Variants in SERINC3 observed in about 807,000 individuals in gnomAD.
SERINC3 encodes the protein serine incorporator 3, also known as tumor differentially expressed protein 1.
SERINC3 carries 22 observed loss-of-function variants against 52.1 expected under a neutral mutation model. The observed-to-expected ratio is 0.42, with a 90% CI of 0.30 to 0.60. The LOEUF (loss-of-function observed/expected upper bound fraction) is 0.60. Ranked by LOEUF, SERINC3 falls within the 20% of genes least tolerant of loss-of-function variation. SERINC3 has a pLI of 0.16. For synonymous variants in SERINC3, 226 were observed against 212.7 expected, an observed-to-expected ratio of 1.06 and a Z score of -0.54; for missense variants, 564 against 584.6, an observed-to-expected ratio of 0.96 and a Z score of 0.36.
chr20:44,501,723 C>T (rs944420161), intron 8 of SERINC3, among the ~76,000 whole-genome samples: 4 of 152,176 alleles, frequency 2.6e-5, no homozygotes, highest in Non-Finnish European at 5.9e-5. Flanking sequence ...CCTCCGACTT[C>T]CCACAGCTTC....
chr20:44,508,958 T>A (rs1381834695), intron 5 of SERINC3, among the ~76,000 whole-genome samples: 2 of 152,212 alleles, frequency 1.3e-5, no homozygotes, highest in African/African-American at 4.8e-5. Flanking sequence ...GTAAATATTT[T>A]AAAAAACTAA....
Position 44,501,147 on chromosome 20 carries a change from A to T in SERINC3, c.1209T>A (p.Tyr403Ter). ...GCATGAGGTGGAATAAGGAGTAGCT[A>T]TACTGCACTCCCTCTTTCTCGTTGT... ...AVDNEKEGVQ[Y>*]SYSLFHLMLC... Residue 403 changes from tyrosine (Y) to a stop codon, truncating the protein, a stop_gained, in exon 9 of 10, where the codon TAT becomes TAA. Coordinates refer to ENST00000342374, the MANE Select transcript of SERINC3 (RefSeq NM_006811.4). LOFTEE classifies it high-confidence loss of function. 3 of 1,614,096 alleles carry T rather than the reference A, an allele frequency of 1.9e-6. No individual in the cohort carries two copies. The highest frequency in any genetic ancestry group is 2.5e-6 in the Non-Finnish European group (3 of 1,179,982).
chr20:44,500,601 A>C (rs577228046), intron 9 of SERINC3, among the ~76,000 whole-genome samples, 167 bp from the exon 10 acceptor site: 8 of 152,302 alleles, frequency 5.3e-5, no homozygotes, highest in African/African-American at 1.4e-4. Context: ...TTTAGTTCTT[A>C]TGACCAAGAA....
At chr20:44,520,735 T>C (rs1278111161) in intron 1 of SERINC3, among the ~76,000 whole-genome samples, 2 of 152,206 alleles carry the variant, frequency 1.3e-5, no homozygotes, top group African/African-American at 4.8e-5. Flanking sequence ...CAAAACTGCA[T>C]ATGTACCCTC....
At chr20:44,520,731 T>C (rs1478587876) in intron 1 of SERINC3, among the ~76,000 whole-genome samples, 1 of 152,134 alleles carries the variant, frequency 6.6e-6, no homozygotes, top group Non-Finnish European at 1.5e-5. Flanking sequence ...GTAACAAAAC[T>C]GCATATGTAC....
At position 44,516,112 on chromosome 20, in the gene SERINC3, G is replaced by A. The variant is rs1439129809; in HGVS notation, c.40-2072C>T. 7.9e-5 allele frequency among the ~76,000 whole-genome samples: 12 copies of A among 152,128 alleles called. No individual in the cohort carries two copies. The South Asian group carries it at 2.5e-3, about 32-fold the overall frequency. The stretch of plus-strand genomic sequence containing the variant: ...AGGTCAGGAGTTCAAGACCAGCCTG[G>A]CCAAGATGGTGAAACCCCATCTCTA... On this transcript the variant is annotated intron_variant, in intron 1 of 9. Coordinates refer to ENST00000342374, the MANE Select transcript of SERINC3 (RefSeq NM_006811.4).
In SERINC3 at chr20:44,503,832, G is replaced by A. The variant is rs746932898; in HGVS notation, c.1038C>T (p.Leu346=). 6.4e-7 allele frequency: 1 copy of A among 1,558,170 alleles called. No homozygotes were observed. The highest frequency in any genetic ancestry group is 2.1e-5 in the Admixed American group (1 of 47,082). The change falls in exon 8 of 10, where the codon CTC becomes CTT. Residue 346 remains leucine (L), a synonymous_variant. Transcript: ENST00000342374. ...TAACTTACCTAGAATACAAGAGGCA[G>A]AGAACAAAGACAAACAGTCCAATAA... ...DNFIGLFVFV[L]CLLYSSIRTS... is the part of the protein sequence containing the mutation.
At position 44,506,759 on chromosome 20, in the gene SERINC3, G is replaced by A. The variant is rs556211695; in HGVS notation, c.783+68C>T. 139 of 1,063,098 alleles carry A rather than the reference G, an allele frequency of 1.3e-4. 1 individual carries two copies. Among genetic ancestry groups the A allele is most frequent in the African/African-American group, 2.3e-4 (14 of 61,844 alleles). 65.9% of individuals were successfully genotyped at this position (1,063,098 alleles called of 1,614,324 possible). Reference sequence around the variant, plus strand: ...AACTTAGACATAAATTCATAAGAAAGGGTACCTAGATTTTAAGCTTAGAAT... The same window carrying A: ...AACTTAGACATAAATTCATAAGAAAAGGTACCTAGATTTTAAGCTTAGAAT... On this transcript the variant is annotated intron_variant, in intron 6 of 9. Transcript: ENST00000342374.
rs768570302 is a variant in SERINC3, at chr20:44,511,348, G to A, written c.416C>T (p.Ala139Val). ...VHNGFWFFKI[A>V]ALIGIMVGSF... ...GCCAACCATGATTCCAATAAGGGCAGCAATTTTGAAGAACCAAAACCTATT... is the reference window on the plus strand; with the variant it reads ...GCCAACCATGATTCCAATAAGGGCAACAATTTTGAAGAACCAAAACCTATT... Residue 139 changes from alanine to valine, a missense_variant, in exon 4 of 10, where the codon GCT (alanine) becomes GTT (valine). Transcript: ENST00000342374. 6.2e-7 allele frequency: 1 copy of A among 1,612,742 alleles called. No homozygotes were observed. The highest frequency in any genetic ancestry group is 8.5e-7 in the Non-Finnish European group (1 of 1,178,770).
chr20:44,505,754 C>A (rs2064307920), intron 6 of SERINC3, among the ~76,000 whole-genome samples: 2 of 151,808 alleles, frequency 1.3e-5, no homozygotes, highest in Admixed American at 1.3e-4. Context: ...GTGTGCGCCC[C>A]CACGCCTAGC....
chr20:44,514,634 G>A (rs1041192720), intron 1 of SERINC3, among the ~76,000 whole-genome samples: 52 of 152,134 alleles, frequency 3.4e-4, no homozygotes, highest in African/African-American at 1.2e-3. Context: ...GGTGGCGGAC[G>A]CCTGTAGTCC....
At position 44,504,819 on chromosome 20, in the gene SERINC3, C is replaced by G; in HGVS notation, c.856G>C (p.Ala286Pro). 1 of 1,610,930 alleles carries G rather than the reference C, an allele frequency of 6.2e-7. No homozygotes were observed. Among genetic ancestry groups the G allele is most frequent in the Non-Finnish European group, 8.5e-7 (1 of 1,177,582 alleles). Residue 286 changes from alanine (A) to proline (P), a missense_variant, in exon 7 of 10, where the codon GCC becomes CCC. Transcript: ENST00000342374. ...TLYTMYLTWSAMSNEPDRSCN... is the reference protein window; with the variant it reads ...TLYTMYLTWSPMSNEPDRSCN... Reference sequence around the variant, plus strand: ...CCCTTACCAGGTTCATTGGACATGGCTGACCAGGTGAGGTACATAGTGTAG... The same window carrying G: ...CCCTTACCAGGTTCATTGGACATGGGTGACCAGGTGAGGTACATAGTGTAG...
chr20:44,504,054 A>G (rs2064296599), intron 7 of SERINC3, 59 bp from the exon 8 acceptor site: 2 of 1,402,126 alleles, frequency 1.4e-6, no homozygotes, highest in Admixed American at 5.0e-5. Context: ...CCAAGAAAGA[A>G]CTTGAGGAGT....
intron 3 of SERINC3, among the ~76,000 whole-genome samples, chr20:44,512,419 T>C (rs936331374): frequency 3.3e-5 from 5 of 151,524 alleles, no homozygotes; most frequent in Admixed American, 3.3e-4. Flanking sequence ...GTAGCACATA[T>C]ATATTCACTG....
rs1203375711 is a variant in SERINC3 at position 44,521,926 on chromosome 20, G to A, written c.26C>T (p.Ser9Phe). The change falls in exon 1 of 10, where the codon TCC becomes TTC. Residue 9 changes from serine to phenylalanine, a missense_variant. Ser to Phe is a radical substitution (Grantham distance 155, BLOSUM62 -2). Transcript: ENST00000342374. MGAVLGVF[S>F]LASWVPCLCS... is the part of the protein sequence containing the mutation. Reference sequence around the variant, plus strand: ...CCCCGAACTCACCCAGCTGGCGAGGGAGAAGACACCCAGCACAGCCCCCAT... The same window carrying A: ...CCCCGAACTCACCCAGCTGGCGAGGAAGAAGACACCCAGCACAGCCCCCAT... 3 of 1,611,436 alleles carry A rather than the reference G, an allele frequency of 1.9e-6. No homozygotes were observed. The highest frequency in any genetic ancestry group is 3.4e-5 in the Admixed American group (2 of 59,664).
At chr20:44,516,867 G>T (rs1459211861) in intron 1 of SERINC3, among the ~76,000 whole-genome samples, 1 of 152,118 alleles carries the variant, frequency 6.6e-6, no homozygotes, top group African/African-American at 2.4e-5. Context: ...GATATAATTT[G>T]AGTCATTATG....
chr20:44,513,894 T>C lies in SERINC3; in HGVS notation c.186A>G (p.Glu62=), dbSNP rs11559229. The change falls in exon 2 of 10, where the codon GAA becomes GAG. Residue 62 remains glutamate, a synonymous_variant. Coordinates refer to ENST00000342374, the MANE Select transcript of SERINC3 (RefSeq NM_006811.4). The part of the protein sequence containing the change: ...VSYIMQRKEM[E]TYLKKIPGFC... ...TACTTCTTACCTTCTTCAAGTAAGT[T>C]TCCATCTCTTTTCTCTGCATGATAT... The C allele has an allele frequency of 1.2e-6, 2 of 1,606,316 alleles. No individual in the cohort carries two copies. Among genetic ancestry groups the C allele is most frequent in the East Asian group, 2.2e-5 (1 of 44,592 alleles).
At chr20:44,513,059 C>A in intron 2 of SERINC3, 65 bp from the exon 3 acceptor site, 2 of 1,128,822 alleles carry the variant, frequency 1.8e-6, no homozygotes, top group Non-Finnish European at 2.4e-6. Context: ...TAACCCACTG[C>A]AGGAAAGCCT....
chr20:44,512,252 G>A (rs2064352128), intron 3 of SERINC3, among the ~76,000 whole-genome samples: 1 of 150,236 alleles, frequency 6.7e-6, no homozygotes, highest in East Asian at 2.0e-4. Context: ...GGGGGAGGTT[G>A]CAGTGAGCCG....
Sources: gnomAD v4.1 joint callset for allele counts (sites outside exome capture counted in the v4.1 genomes callset) on GRCh38, gnomAD v4.1.1 for gene constraint, MANE v1.5 for transcripts, NCBI Gene and HGNC (gene_info 2026-07-23, HGNC 2026-07-21) for gene names.